Variants in PSME3IP1 observed in about 807,000 individuals in gnomAD.
PSME3IP1 encodes the protein PSME3-interacting protein.
Under a neutral mutation model 34.1 loss-of-function variants are expected in PSME3IP1, and 13 were observed. That is an observed-to-expected ratio of 0.38 (90% CI 0.25 to 0.61). The LOEUF (loss-of-function observed/expected upper bound fraction) is 0.61. PSME3IP1 is among the 20% of genes least tolerant of loss of function. The probability of loss-of-function intolerance (pLI) is 0.60; values close to 1 mark genes in which losing one functional copy is unlikely to be tolerated. For missense variants in PSME3IP1, 237 were observed against 301.4 expected (o/e 0.79, Z 1.58); for synonymous variants, 93 against 114.3 (o/e 0.81, Z 1.19).
intron 4 of PSME3IP1, among the ~76,000 whole-genome samples, chr16:57,168,328 T>G (rs1389670779): frequency 6.6e-6 from 1 of 152,210 alleles, no homozygotes; most frequent in Non-Finnish European, 1.5e-5. Context: ...ATCCTAAGAT[T>G]CTAATTCTAA....
intron 6 of PSME3IP1, among the ~76,000 whole-genome samples, chr16:57,158,986 A>G (rs1239425155): frequency 6.6e-6 from 1 of 152,226 alleles, no homozygotes; most frequent in Admixed American, 6.5e-5. Flanking sequence ...ATCTTATGGG[A>G]CCACCATCAT....
At chr16:57,167,521 C>A (rs1444926173) in intron 4 of PSME3IP1, among the ~76,000 whole-genome samples, 5 of 152,112 alleles carry the variant, frequency 3.3e-5, no homozygotes. Context: ...CAATATCATG[C>A]TTGATGAGGA....
intron 4 of PSME3IP1, among the ~76,000 whole-genome samples, chr16:57,171,455 GT>G (rs1378098416): frequency 6.6e-6 from 1 of 152,208 alleles, no homozygotes; most frequent in Non-Finnish European, 1.5e-5. Flanking sequence ...GCCATGTATG[GT>G]TTTTAAAGTT....
intron 1 of PSME3IP1, among the ~76,000 whole-genome samples, chr16:57,181,357 T>G (rs1309154930): frequency 2.0e-5 from 3 of 151,596 alleles, no homozygotes; most frequent in Non-Finnish European, 2.9e-5. Flanking sequence ...AAAGCCGAAA[T>G]AAAACTTGCC....
chr16:57,174,578 T>C, intron 1 of PSME3IP1: 1 of 985,470 alleles, frequency 1.0e-6, no homozygotes, highest in Non-Finnish European at 1.2e-6. Context: ...TTGTTTCTTC[T>C]TGAAATTCCT....
intron 1 of PSME3IP1, chr16:57,181,899 TCCA>T (rs1186840583): frequency 2.6e-5 from 4 of 152,278 alleles, no homozygotes; most frequent in African/African-American, 9.6e-5. Flanking sequence ...ACCTCTCATG[TCCA>T]CCTATCCAGA....
At position 57,154,264 on chromosome 16, in the gene PSME3IP1, G is replaced by T; in HGVS notation, c.*26C>A. 1.2e-6 allele frequency: 2 copies of T among 1,601,058 alleles called. No individual in the cohort carries two copies. The highest frequency in any genetic ancestry group is 1.7e-6 in the Non-Finnish European group (2 of 1,168,588). ...AACGGTCCGATCTACCCTTGGGGAG[G>T]AGCTCCCTGTGTAGGGACGGAGAAA... On this transcript the variant is annotated 3_prime_UTR_variant, in exon 7 of 7. Transcript: ENST00000309137. The surrounding 1 kb of genome is among the most constrained non-coding windows in gnomAD (Gnocchi z 4.0).
rs1340259339 is a variant in PSME3IP1, at chr16:57,153,313, T to C, written c.*977A>G. 1 of 152,176 alleles carries C rather than the reference T, an allele frequency of 6.6e-6. No individual in the cohort carries two copies. Among genetic ancestry groups the C allele is most frequent in the Non-Finnish European group, 1.5e-5 (1 of 68,020 alleles). The allele number at this position is 152,176 out of a possible 1,614,324, so 9.4% of individuals were successfully genotyped here. On this transcript the variant is annotated 3_prime_UTR_variant, in exon 7 of 7. Coordinates refer to ENST00000309137, the MANE Select transcript of PSME3IP1 (RefSeq NM_024946.4). Reference sequence around the variant, plus strand: ...CAAAGAAAAGTACTAGGGCAGCACCTTTAGGTTAGAAATAGATTCCACAGT... The same window carrying C: ...CAAAGAAAAGTACTAGGGCAGCACCCTTAGGTTAGAAATAGATTCCACAGT...
intron 1 of PSME3IP1, among the ~76,000 whole-genome samples, chr16:57,180,460 T>A (rs1456725673): frequency 6.6e-6 from 1 of 151,580 alleles, no homozygotes; most frequent in African/African-American, 2.4e-5. Context: ...TGTGGTGACA[T>A]GTGCCTGTAA....
In PSME3IP1 at chr16:57,172,315, C is replaced by T. The variant is rs781655808; in HGVS notation, c.284G>A (p.Arg95Gln). 15 of 1,613,778 alleles carry T rather than the reference C, an allele frequency of 9.3e-6. No homozygotes were observed. The highest frequency in any genetic ancestry group is 4.5e-5 in the East Asian group (2 of 44,876). The change falls in exon 4 of 7, where the codon CGA (arginine) becomes CAA (glutamine). Residue 95 changes from arginine to glutamine, a missense_variant. Arg to Gln is a conservative substitution (Grantham distance 43, BLOSUM62 1). Transcript: ENST00000309137. ...DETNFLDEVS[R>Q]QQELIEKQRR... is the part of the protein sequence containing the mutation. ...TTGCTTTTCTATTAGTTCCTGCTGT[C>T]GAGAAACCTCATCAAGGAAGTTGGT...
chr16:57,184,243 T>TA (rs34543179), intron 1 of PSME3IP1, among the ~76,000 whole-genome samples: 6,606 of 141,470 alleles, frequency 0.047, 351 homozygotes, highest in African/African-American at 0.14. Context: ...GTTAAATCGA[T>TA]AAAAAAAAAA....
intron 1 of PSME3IP1, among the ~76,000 whole-genome samples, chr16:57,177,019 T>C (rs2073236246): frequency 6.6e-6 from 1 of 152,174 alleles, no homozygotes; most frequent in African/African-American, 2.4e-5. Flanking sequence ...CATGCCCGGC[T>C]AATTTTTGTA....
intron 5 of PSME3IP1, 135 bp downstream of exon 5, chr16:57,166,958 G>T: frequency 1.1e-6 from 1 of 944,204 alleles, no homozygotes; most frequent in Non-Finnish European, 1.6e-6. Context: ...TCTGGAAAGG[G>T]AGAGATAGGT....
chr16:57,185,871 A>C lies in PSME3IP1; in HGVS notation c.-66T>G, dbSNP rs968085972. 5 of 985,206 alleles carry C rather than the reference A, an allele frequency of 5.1e-6. No homozygotes were observed. The highest frequency in any genetic ancestry group is 6.0e-6 in the Non-Finnish European group (5 of 829,922). 61.0% of individuals were successfully genotyped at this position (985,206 alleles called of 1,614,324 possible). ...ACCTCACCTCGGCGGCGCCCACCCC[A>C]AACCGCCACCGCAGAGCCGCTCGCT... is the stretch of plus-strand genomic sequence containing the variant. On this transcript the variant is annotated 5_prime_UTR_variant, in exon 1 of 7. Transcript: ENST00000309137.
chr16:57,157,065 T>C (rs1300877849), intron 6 of PSME3IP1, among the ~76,000 whole-genome samples: 2 of 152,094 alleles, frequency 1.3e-5, no homozygotes, highest in African/African-American at 4.8e-5. Context: ...CCCAGCACTT[T>C]GGGAGGCCAA....
chr16:57,176,395 C>G (rs1375489717), intron 1 of PSME3IP1, among the ~76,000 whole-genome samples: 2 of 152,100 alleles, frequency 1.3e-5, no homozygotes, highest in Non-Finnish European at 2.9e-5. Flanking sequence ...ATAATCCACT[C>G]GACATCTGAA....
At chr16:57,163,185 T>C (rs893751045) in intron 6 of PSME3IP1, among the ~76,000 whole-genome samples, 1 of 151,590 alleles carries the variant, frequency 6.6e-6, no homozygotes, top group African/African-American at 2.4e-5. Flanking sequence ...AAAAAAAAAG[T>C]ATAATTCTGT....
chr16:57,185,496 G>C (rs1432201920), intron 1 of PSME3IP1: 1 of 984,370 alleles, frequency 1.0e-6, no homozygotes, highest in Non-Finnish European at 1.2e-6. Flanking sequence ...CCTGTTCCAA[G>C]ACCTCTGGAA....
intron 1 of PSME3IP1, chr16:57,178,819 C>T (rs1183109999): frequency 1.1e-5 from 11 of 985,214 alleles, no homozygotes; most frequent in African/African-American, 1.7e-5. Flanking sequence ...ATGGAGACAG[C>T]GTTTTTGTTT....
Sources: gnomAD v4.1 joint callset for allele counts (sites outside exome capture counted in the v4.1 genomes callset) on GRCh38, gnomAD v4.1.1 for gene constraint, Gnocchi (gnomAD v3.1) non-coding constraint, MANE v1.5 for transcripts, NCBI Gene and HGNC (gene_info 2026-07-23, HGNC 2026-07-21) for gene names.